The following NRXN2 variants were observed in gnomAD, a reference collection of about 807,000 sequenced individuals.
The protein encoded by NRXN2 is neurexin 2, also known as neurexin-2-beta.
NRXN2 carries 29 observed loss-of-function variants against 128.8 expected under a neutral mutation model. That is an observed-to-expected ratio of 0.23 (90% CI 0.17 to 0.31). The LOEUF (loss-of-function observed/expected upper bound fraction) is 0.31. Among genes scored for constraint, NRXN2 ranks in the 10% least tolerant of loss-of-function variants. The pLI, the probability that NRXN2 is intolerant of heterozygous loss-of-function variation, is 1.00. For synonymous variants in NRXN2, 1,098 were observed against 1,075.2 expected, an observed-to-expected ratio of 1.02 and a Z score of -0.41; for missense variants, 1,881 against 2,452.6, an observed-to-expected ratio of 0.77 and a Z score of 4.92.
intron 2 of NRXN2, among the ~76,000 whole-genome samples, chr11:64,701,761 G>A (rs529480654): frequency 2.6e-5 from 4 of 152,318 alleles, no homozygotes; most frequent in South Asian, 4.1e-4. Flanking sequence ...AATAAGCCCC[G>A]TCCGGGGGGG....
At chr11:64,721,815 C>T (rs2057439462) in intron 1 of NRXN2, among the ~76,000 whole-genome samples, 1 of 152,138 alleles carries the variant, frequency 6.6e-6, no homozygotes, top group African/African-American at 2.4e-5. Flanking sequence ...ACAGGGCTAT[C>T]TGGAAGCCCC....
At chr11:64,720,364 A>G (rs1403255116) in intron 1 of NRXN2, among the ~76,000 whole-genome samples, 2 of 152,154 alleles carry the variant, frequency 1.3e-5, no homozygotes, top group East Asian at 3.8e-4. Context: ...AGGACACACA[A>G]TCGGGGCATC....
chr11:64,635,624 G>A lies in NRXN2; in HGVS notation c.3404-172C>T, dbSNP rs1262204154. 6.6e-6 allele frequency among the ~76,000 whole-genome samples: 1 copy of A among 152,174 alleles called. No homozygotes were observed. Among genetic ancestry groups the A allele is most frequent in the African/African-American group, 2.4e-5 (1 of 41,444 alleles). ...CACCCCAGGGAGAAGTTGGCAGGCG[G>A]GTGCCTGGGTGAGAGCCTGTGCACG... is the stretch of plus-strand genomic sequence containing the variant. On this transcript the variant is annotated intron_variant, in intron 17 of 22. Transcript: ENST00000265459. The surrounding 1 kb of genome is among the most constrained non-coding windows in gnomAD (Gnocchi z 4.8).
intron 3 of NRXN2, 58 bp downstream of exon 3, chr11:64,697,717 A>T (rs2054759629): frequency 6.2e-7 from 1 of 1,604,942 alleles, no homozygotes; most frequent in Admixed American, 1.7e-5. Flanking sequence ...ACAGTCCCTC[A>T]TGTAGGATCC....
intron 17 of NRXN2, among the ~76,000 whole-genome samples, chr11:64,640,555 T>C (rs766180294): frequency 2.0e-5 from 3 of 151,646 alleles, no homozygotes; most frequent in Non-Finnish European, 4.4e-5. Context: ...AGCCAGAGAG[T>C]TCCTGGGGAG....
Position 64,660,478 on chromosome 11 carries a change from G to A in NRXN2, c.2243C>T (p.Ala748Val). 6.8e-6 allele frequency: 11 copies of A among 1,614,202 alleles called. No individual in the cohort carries two copies. The highest frequency in any genetic ancestry group is 9.3e-6 in the Non-Finnish European group (11 of 1,180,030). ...SMYMKIMLPN[A>V]MHTEAEDVSL... is the part of the protein sequence containing the mutation. ...CACATCCTCTGCCTCCGTGTGCATG[G>A]CGTTAGGCAGCATGATCTTCATGTA... The change falls in exon 11 of 23, where the codon GCC becomes GTC. Residue 748 changes from alanine (A) to valine (V), a missense_variant. Transcript: ENST00000265459. The surrounding 1 kb of genome is among the most constrained non-coding windows in gnomAD (Gnocchi z 5.2).
At chr11:64,643,046 T>G (rs1251049494) in intron 17 of NRXN2, 2 of 995,072 alleles carry the variant, frequency 2.0e-6, no homozygotes, top group Admixed American at 6.0e-5. Flanking sequence ...CGCGAGGAGC[T>G]AGGGGTCTCT....
At chr11:64,640,236 C>A (rs1379341361) in intron 17 of NRXN2, among the ~76,000 whole-genome samples, 3 of 152,196 alleles carry the variant, frequency 2.0e-5, no homozygotes, top group Non-Finnish European at 4.4e-5. Flanking sequence ...ACTCTTCTGG[C>A]CACTTTCAAT....
chr11:64,661,134 T>G lies in NRXN2; in HGVS notation c.1804A>C (p.Ile602Leu). 1 of 1,613,484 alleles carries G rather than the reference T, an allele frequency of 6.2e-7. No individual in the cohort carries two copies. The highest frequency in any genetic ancestry group is 8.5e-7 in the Non-Finnish European group (1 of 1,180,020). Residue 602 changes from isoleucine to leucine, a missense_variant, in exon 10 of 23, where the codon ATC becomes CTC. Physicochemically the swap from Ile to Leu is conservative, Grantham distance 5 (BLOSUM62 2). Transcript: ENST00000265459. Reference sequence around the variant, plus strand: ...GGCGTGCTGCGACTATTCACTGAGATGGAGCCTGGGAATCAAGGGAAGGCA... The same window carrying G: ...GGCGTGCTGCGACTATTCACTGAGAGGGAGCCTGGGAATCAAGGGAAGGCA... ...DFQRDGRKGS[I>L]SVNSRSTPFL...
intron 6 of NRXN2, among the ~76,000 whole-genome samples, chr11:64,682,932 T>C (rs1329961648): frequency 6.6e-6 from 1 of 152,150 alleles, no homozygotes; most frequent in Non-Finnish European, 1.5e-5. Context: ...TGAGAGCCTC[T>C]AGATGATTCC....
chr11:64,650,576 T>G lies in NRXN2; in HGVS notation c.2981A>C (p.Lys994Thr). The G allele has an allele frequency of 6.2e-7, 1 of 1,614,094 alleles. No homozygotes were observed. Among genetic ancestry groups the G allele is most frequent in the East Asian group, 2.2e-5 (1 of 44,864 alleles). Residue 994 changes from lysine to threonine, a missense_variant, in exon 15 of 23, where the codon AAA (lysine) becomes ACA (threonine). Physicochemically the swap from Lys to Thr is moderately conservative, Grantham distance 78 (BLOSUM62 -1). Coordinates refer to ENST00000265459, the MANE Select transcript of NRXN2 (RefSeq NM_015080.4). The stretch of plus-strand genomic sequence containing the variant: ...GTGCCACTGGTTGTCATTGACTGGT[T>G]TGTCTGAGTTCCCCTTCATCAAGGA... ...GPSLMKGNSD[K>T]PVNDNQWHNV... is the part of the protein sequence containing the mutation.
chr11:64,649,812 A>T (rs960852507), intron 15 of NRXN2, among the ~76,000 whole-genome samples: 2 of 152,084 alleles, frequency 1.3e-5, no homozygotes, highest in African/African-American at 4.8e-5. Flanking sequence ...TAGGCTCTGG[A>T]GAAGCTGCAT....
chr11:64,663,672 AAGAG>A (rs1239547624), intron 9 of NRXN2, among the ~76,000 whole-genome samples: 5 of 152,150 alleles, frequency 3.3e-5, no homozygotes, highest in African/African-American at 1.2e-4. Flanking sequence ...TTGGAGAAGG[AAGAG>A]AGAGAGAAGG....
At chr11:64,609,605 A>T (rs1249659367) in intron 22 of NRXN2, among the ~76,000 whole-genome samples, 1 of 152,210 alleles carries the variant, frequency 6.6e-6, no homozygotes, top group African/African-American at 2.4e-5. Flanking sequence ...TCAGCCACTG[A>T]GTCAACAACT....
chr11:64,608,444 TAAC>T (rs921468014), intron 22 of NRXN2, among the ~76,000 whole-genome samples: 1 of 149,724 alleles, frequency 6.7e-6, no homozygotes. Flanking sequence ...TAAACAAACC[TAAC>T]AACAATATCT....
At chr11:64,661,880 C>G (rs1040621965) in intron 9 of NRXN2, among the ~76,000 whole-genome samples, 2 of 152,126 alleles carry the variant, frequency 1.3e-5, no homozygotes, top group Non-Finnish European at 2.9e-5. Flanking sequence ...CAGATTGGCT[C>G]CAGGGCCTGC....
intron 5 of NRXN2, chr11:64,688,755 G>A (rs764448611): frequency 2.0e-5 from 20 of 985,234 alleles, no homozygotes; most frequent in Non-Finnish European, 2.3e-5. Flanking sequence ...TGTGGCTAGA[G>A]ACTAGTTGTT....
chr11:64,712,080 C>T (rs889952752), intron 2 of NRXN2, among the ~76,000 whole-genome samples: 1 of 152,312 alleles, frequency 6.6e-6, no homozygotes, highest in Admixed American at 6.5e-5. Context: ...CTGTCGACTA[C>T]GCTCCCTGCC....
At position 64,687,400 on chromosome 11, in the gene NRXN2, A is replaced by C. The variant is rs766110804; in HGVS notation, c.851-1453T>G. On this transcript the variant is annotated intron_variant, in intron 5 of 22. Transcript: ENST00000265459. ...CTCTCTCTCTAGGCAGGCTGCCCACAGCCTCTGTCCTCACTGCCTCCGGAT... is the reference window on the plus strand; with the variant it reads ...CTCTCTCTCTAGGCAGGCTGCCCACCGCCTCTGTCCTCACTGCCTCCGGAT... 8.5e-5 allele frequency among the ~76,000 whole-genome samples: 13 copies of C among 152,316 alleles called. No individual in the cohort carries two copies. The Middle Eastern group carries it at 0.014, about 159-fold the overall frequency.
Sources: allele counts gnomAD v4.1 joint callset (sites outside exome capture counted in the v4.1 genomes callset), GRCh38; gene constraint gnomAD v4.1.1; non-coding constraint Gnocchi (gnomAD v3.1); transcripts MANE v1.5; gene names NCBI Gene and HGNC (gene_info 2026-07-23, HGNC 2026-07-21).